The following NYAP2 variants were observed in gnomAD, a reference collection of about 807,000 sequenced individuals.
NYAP2 encodes neuronal tyrosine-phosphorylated phosphoinositide-3-kinase adapter 2.
A neutral mutation model predicts 50.4 loss-of-function variants in NYAP2; 23 were observed. The ratio of observed to expected loss-of-function variants is 0.46; its 90% CI spans 0.33 to 0.65. The LOEUF (loss-of-function observed/expected upper bound fraction) is 0.65. Ranked by LOEUF, NYAP2 falls within the 30% of genes least tolerant of loss-of-function variation. The probability of loss-of-function intolerance (pLI) is 0.02; values close to 1 mark genes in which losing one functional copy is unlikely to be tolerated. For synonymous variants in NYAP2, 394 were observed against 365.2 expected, an observed-to-expected ratio of 1.08 and a Z score of -0.90; for missense variants, 885 against 861.0, an observed-to-expected ratio of 1.03 and a Z score of -0.35.
chr2:225,421,319 A>G (rs1309975399), intron 3 of NYAP2, among the ~76,000 whole-genome samples: 1 of 152,222 alleles, frequency 6.6e-6, no homozygotes, highest in Non-Finnish European at 1.5e-5. Flanking sequence ...TTTGTTTTTG[A>G]GATGAGTGAC....
chr2:225,579,116 A>AGAGG (rs1411943496), intron 4 of NYAP2, among the ~76,000 whole-genome samples: 1 of 151,940 alleles, frequency 6.6e-6, no homozygotes, highest in Non-Finnish European at 1.5e-5. Flanking sequence ...AGAGAGAGAG[A>AGAGG]GAGAACTCTG....
intron 3 of NYAP2, among the ~76,000 whole-genome samples, chr2:225,438,539 T>C (rs1036599903): frequency 1.3e-5 from 2 of 152,214 alleles, no homozygotes; most frequent in South Asian, 4.1e-4. Context: ...GATAAAAATA[T>C]CAAGAAGTTT....
intron 4 of NYAP2, among the ~76,000 whole-genome samples, chr2:225,561,032 T>C (rs1691862928): frequency 6.6e-6 from 1 of 150,496 alleles, no homozygotes; most frequent in Admixed American, 6.7e-5. Context: ...GCCTGGAGCA[T>C]GCAGCCATGC....
Position 225,424,157 on chromosome 2 carries a change from C to T in NYAP2, c.221+15056C>T, listed in dbSNP as rs139262963. Among the ~76,000 whole-genome samples the T allele has an allele frequency of 7.9e-5, 12 of 152,088 alleles. 1 individual carries two copies. The South Asian group carries it at 2.1e-3, about 26-fold the overall frequency. ...CTCTCAACTCTTTCAAATTAATTAA[C>T]GTAGATTTTAAAAAGTGAACCAAGA... On this transcript the variant is annotated intron_variant, in intron 3 of 6. Transcript: ENST00000636099.
chr2:225,442,587 AT>A (rs904500883), intron 3 of NYAP2, among the ~76,000 whole-genome samples: 25 of 151,932 alleles, frequency 1.6e-4, no homozygotes, highest in African/African-American at 5.8e-4. Context: ...TAATTAATTT[AT>A]TTTTTGAGAC....
intron 6 of NYAP2, among the ~76,000 whole-genome samples, chr2:225,627,342 G>A (rs1343144209): frequency 8.5e-5 from 13 of 152,130 alleles, no homozygotes; most frequent in Admixed American, 6.5e-5. Context: ...ATACCTGAAC[G>A]GTGCTTCTTG....
chr2:225,602,404 G>C (rs892730997), intron 5 of NYAP2, among the ~76,000 whole-genome samples: 1 of 152,152 alleles, frequency 6.6e-6, no homozygotes, highest in Non-Finnish European at 1.5e-5. Flanking sequence ...CACAGACTGA[G>C]TGTTTCCATT....
intron 6 of NYAP2, among the ~76,000 whole-genome samples, chr2:225,640,796 T>C (rs977812006): frequency 6.6e-6 from 1 of 152,202 alleles, no homozygotes; most frequent in South Asian, 2.1e-4. Context: ...ATTATATTCA[T>C]ACACACACAT....
chr2:225,438,914 C>T (rs1254886754), intron 3 of NYAP2, among the ~76,000 whole-genome samples: 1 of 151,986 alleles, frequency 6.6e-6, no homozygotes, highest in South Asian at 2.1e-4. Flanking sequence ...TCAGAAGTAC[C>T]CAAGTATAAT....
intron 3 of NYAP2, among the ~76,000 whole-genome samples, chr2:225,440,377 C>T (rs905717475): frequency 1.3e-4 from 20 of 152,110 alleles, no homozygotes; most frequent in African/African-American, 4.6e-4. Flanking sequence ...TCTGGTTTTA[C>T]CTGAATAATT....
intron 4 of NYAP2, among the ~76,000 whole-genome samples, chr2:225,550,981 A>T (rs1691664181): frequency 6.6e-6 from 1 of 152,218 alleles, no homozygotes; most frequent in Non-Finnish European, 1.5e-5. Context: ...AAGTAATAGA[A>T]GACTCAGGCT....
chr2:225,631,863 G>A (rs1459785462), intron 6 of NYAP2, among the ~76,000 whole-genome samples: 2 of 152,122 alleles, frequency 1.3e-5, no homozygotes, highest in Non-Finnish European at 2.9e-5. Context: ...TGTCACCCAG[G>A]CTGGAGTACA....
intron 3 of NYAP2, among the ~76,000 whole-genome samples, chr2:225,425,634 T>C (rs1695276147): frequency 6.6e-6 from 1 of 152,196 alleles, no homozygotes. Flanking sequence ...AAGAGACCTA[T>C]CTAATATGTT....
intron 4 of NYAP2, among the ~76,000 whole-genome samples, chr2:225,548,499 T>A (rs773356943): frequency 5.9e-5 from 9 of 151,992 alleles, no homozygotes; most frequent in Non-Finnish European, 1.3e-4. Flanking sequence ...CATAATGCTA[T>A]GTGTCTCTGG....
At chr2:225,521,498 T>C (rs924044569) in intron 4 of NYAP2, among the ~76,000 whole-genome samples, 2 of 152,176 alleles carry the variant, frequency 1.3e-5, no homozygotes, top group Non-Finnish European at 2.9e-5. Flanking sequence ...TGTTGAATTT[T>C]GTCGAAGGCC....
At chr2:225,651,585 C>G in exon 7 of NYAP2, 1 of 1,612,626 alleles carries the variant, frequency 6.2e-7, no homozygotes. Context: ...ATACAACTTG[C>G]CAAATGCTTC....
intron 5 of NYAP2, among the ~76,000 whole-genome samples, chr2:225,615,702 C>T (rs1692976060): frequency 6.6e-6 from 1 of 152,108 alleles, no homozygotes; most frequent in African/African-American, 2.4e-5. Flanking sequence ...AATTGAATGT[C>T]ACAGTGTGTG....
intron 4 of NYAP2, among the ~76,000 whole-genome samples, chr2:225,548,538 G>A (rs961198859): frequency 6.6e-6 from 1 of 151,912 alleles, no homozygotes; most frequent in African/African-American, 2.4e-5. Flanking sequence ...GGGATGTCAA[G>A]TGTCCTGAAA....
intron 3 of NYAP2, among the ~76,000 whole-genome samples, chr2:225,460,754 T>A (rs534674906): frequency 3.9e-4 from 59 of 152,254 alleles, no homozygotes; most frequent in African/African-American, 1.4e-3. Flanking sequence ...GATGAATTCA[T>A]TATACCCATC....
Sources: gnomAD v4.1 joint callset for allele counts (sites outside exome capture counted in the v4.1 genomes callset) on GRCh38, gnomAD v4.1.1 for gene constraint, MANE v1.5 for transcripts, NCBI Gene and HGNC (gene_info 2026-07-23, HGNC 2026-07-21) for gene names.